Variants in RPRD1A observed in about 807,000 individuals in gnomAD.
RPRD1A encodes the protein regulation of nuclear pre-mRNA domain containing 1A.
Under a neutral mutation model 37.8 loss-of-function variants are expected in RPRD1A, and 9 were observed. The observed-to-expected ratio is 0.24, with a 90% CI of 0.14 to 0.42. The LOEUF is 0.42. Ranked by LOEUF, RPRD1A falls within the 10% of genes least tolerant of loss-of-function variation. The pLI, the probability that RPRD1A is intolerant of heterozygous loss-of-function variation, is 1.00. For synonymous variants in RPRD1A, 138 were observed against 139.7 expected (o/e 0.99, Z 0.08); for missense variants, 255 against 371.0 (o/e 0.69, Z 2.57).
intron 6 of RPRD1A, among the ~76,000 whole-genome samples, chr18:36,015,149 C>A (rs868470853): frequency 1.9e-4 from 25 of 133,148 alleles, no homozygotes; most frequent in African/African-American, 6.5e-4. Flanking sequence ...CACACACACA[C>A]ACACACACAT....
intron 1 of RPRD1A, among the ~76,000 whole-genome samples, chr18:36,062,446 A>T (rs2088934608): frequency 6.6e-6 from 1 of 151,998 alleles, no homozygotes; most frequent in Non-Finnish European, 1.5e-5. Context: ...TAAGTATCCA[A>T]GATGAAAACA....
At chr18:36,062,249 G>A (rs954672019) in intron 1 of RPRD1A, among the ~76,000 whole-genome samples, 1 of 149,738 alleles carries the variant, frequency 6.7e-6, no homozygotes, top group South Asian at 2.1e-4. Context: ...CCCGGGAAGC[G>A]GAGCTTGCAG....
intron 6 of RPRD1A, among the ~76,000 whole-genome samples, chr18:36,021,449 ACTGG>A (rs1286420824): frequency 6.6e-6 from 1 of 152,210 alleles, no homozygotes; most frequent in Non-Finnish European, 1.5e-5. Flanking sequence ...TGCTCCACTG[ACTGG>A]CTGTCCCTGT....
rs1339247337 is a variant in RPRD1A, at chr18:36,008,573, G to GTATATATATATA, written c.790-15274_790-15273insTATATATATATA. Among the ~76,000 whole-genome samples, 11 of 36,630 alleles carry GTATATATATATA rather than the reference G, an allele frequency of 3.0e-4. 1 individual carries two copies. Among genetic ancestry groups the GTATATATATATA allele is most frequent in the African/African-American group, 1.4e-3 (11 of 8,080 alleles). The allele number at this position is 36,630 out of a possible 152,430, so 24.0% of individuals were successfully genotyped here. On this transcript the variant is annotated intron_variant, in intron 6 of 6. Transcript: ENST00000399022. ...CCTGGGCGACACAGCAAGACCTTGT[G>GTATATATATATA]TGTGTATATATATATATCTTTAAAA...
At chr18:36,042,680 T>C (rs1304654434) in intron 1 of RPRD1A, among the ~76,000 whole-genome samples, 1 of 152,134 alleles carries the variant, frequency 6.6e-6, no homozygotes, top group East Asian at 1.9e-4. Flanking sequence ...AGTCAAGACA[T>C]GTGCACAGGA....
rs765382583 is a variant in RPRD1A, at chr18:36,067,413, C to A, written c.-9G>T. ...TCAGAGAAGGCTGACATCCCTCCGACACCACGTTCACGCCGTCCCACGCGG... is the reference window on the plus strand; with the variant it reads ...TCAGAGAAGGCTGACATCCCTCCGAAACCACGTTCACGCCGTCCCACGCGG... On this transcript the variant is annotated 5_prime_UTR_variant, in exon 1 of 7. Coordinates refer to ENST00000399022, the MANE Select transcript of RPRD1A (RefSeq NM_018170.5). 2 of 1,603,550 alleles carry A rather than the reference C, an allele frequency of 1.2e-6. No individual in the cohort carries two copies. The highest frequency in any genetic ancestry group is 1.7e-5 in the Admixed American group (1 of 58,540).
intron 1 of RPRD1A, among the ~76,000 whole-genome samples, chr18:36,065,058 C>G (rs1231801740): frequency 6.6e-6 from 1 of 152,160 alleles, no homozygotes; most frequent in Admixed American, 6.5e-5. Flanking sequence ...CCAGACATGT[C>G]TGAACATCAG....
intron 1 of RPRD1A, among the ~76,000 whole-genome samples, chr18:36,059,926 T>C (rs906222134): frequency 1.2e-4 from 18 of 152,186 alleles, no homozygotes; most frequent in African/African-American, 4.1e-4. Flanking sequence ...GATGACTACA[T>C]GGGAGTCACC....
rs1909677346 is a variant in RPRD1A, at chr18:36,005,279, C to G, written c.790-11979G>C. On this transcript the variant is annotated intron_variant, in intron 6 of 6. Transcript: ENST00000399022. ...TTGCGCCACTGCACTCCAGCCTGGGCAACAGAGCGAGACTCTGTCTCAAAA... is the reference window on the plus strand; with the variant it reads ...TTGCGCCACTGCACTCCAGCCTGGGGAACAGAGCGAGACTCTGTCTCAAAA... 4.0e-5 allele frequency among the ~76,000 whole-genome samples: 6 copies of G among 151,654 alleles called. No homozygotes were observed. The South Asian group carries it at 1.0e-3, about 26-fold the overall frequency.
chr18:36,014,599 C>A (rs1331764368), intron 6 of RPRD1A, among the ~76,000 whole-genome samples: 3 of 152,012 alleles, frequency 2.0e-5, no homozygotes, highest in Admixed American at 6.5e-5. Flanking sequence ...AACAATTAGC[C>A]GGGTGTGGTG....
At chr18:36,032,983 G>A (rs969075139) in intron 2 of RPRD1A, among the ~76,000 whole-genome samples, 1 of 152,088 alleles carries the variant, frequency 6.6e-6, no homozygotes, top group African/African-American at 2.4e-5. Context: ...TACATGCGAT[G>A]TACAAAATTA....
chr18:36,062,206 A>G (rs952577159), intron 1 of RPRD1A, among the ~76,000 whole-genome samples: 13 of 150,246 alleles, frequency 8.7e-5, no homozygotes, highest in Non-Finnish European at 1.2e-4. Context: ...AGTCCCAGCT[A>G]CTCCGGAGGC....
intron 1 of RPRD1A, among the ~76,000 whole-genome samples, chr18:36,035,561 T>C (rs1425690362): frequency 1.3e-5 from 2 of 152,154 alleles, no homozygotes; most frequent in Non-Finnish European, 2.9e-5. Context: ...GGCATGTTAA[T>C]CTTTGAGACT....
chr18:36,007,721 CGAGGTCAA>C (rs1282033862), intron 6 of RPRD1A, among the ~76,000 whole-genome samples: 3 of 152,024 alleles, frequency 2.0e-5, no homozygotes, highest in Non-Finnish European at 4.4e-5. Flanking sequence ...GGGCGGATCA[CGAGGTCAA>C]GAGATCAAGA....
At chr18:36,003,751 T>C (rs563994574) in intron 6 of RPRD1A, among the ~76,000 whole-genome samples, 1 of 152,354 alleles carries the variant, frequency 6.6e-6, no homozygotes, top group East Asian at 1.9e-4. Context: ...TTCAATGCAA[T>C]GATATCAAAA....
At chr18:36,053,421 G>A (rs117846161) in intron 1 of RPRD1A, among the ~76,000 whole-genome samples, 2 of 152,194 alleles carry the variant, frequency 1.3e-5, no homozygotes, top group Admixed American at 6.5e-5. Context: ...ATGAAAATAC[G>A]TGACTTTTTG....
At chr18:35,997,675 C>T (rs1325502346) in intron 6 of RPRD1A, among the ~76,000 whole-genome samples, 1 of 152,140 alleles carries the variant, frequency 6.6e-6, no homozygotes, top group Non-Finnish European at 1.5e-5. Flanking sequence ...ACAAATTTTG[C>T]TCTTCTTTCC....
chr18:36,016,756 T>G (rs1219835808), intron 6 of RPRD1A, among the ~76,000 whole-genome samples: 1 of 152,152 alleles, frequency 6.6e-6, no homozygotes, highest in East Asian at 1.9e-4. Flanking sequence ...ATATAAACGC[T>G]AAACAGTTAG....
intron 6 of RPRD1A, among the ~76,000 whole-genome samples, chr18:36,011,978 A>G (rs1282892136): frequency 6.6e-6 from 1 of 152,256 alleles, no homozygotes; most frequent in Non-Finnish European, 1.5e-5. Context: ...TACATCTTAC[A>G]TAATTACATC....
Sources: allele counts gnomAD v4.1 joint callset (sites outside exome capture counted in the v4.1 genomes callset), GRCh38; gene constraint gnomAD v4.1.1; transcripts MANE v1.5; gene names NCBI Gene and HGNC (gene_info 2026-07-23, HGNC 2026-07-21).